Variants in RANBP17 observed in about 807,000 individuals in gnomAD.
RANBP17 encodes the protein RAN binding protein 17, also known as ran-binding protein 17.
A neutral mutation model predicts 141.2 loss-of-function variants in RANBP17; 158 were observed. The observed-to-expected ratio is 1.12, with a 90% CI of 0.98 to 1.28. RANBP17 has a LOEUF of 1.28. Ranked by LOEUF, RANBP17 falls within the 50% of genes most tolerant of loss-of-function variation. The pLI is 0.00. For synonymous variants in RANBP17, 430 were observed against 450.0 expected (o/e 0.96, Z 0.56); for missense variants, 1,438 against 1,290.7 (o/e 1.11, Z -1.75).
intron 14 of RANBP17, among the ~76,000 whole-genome samples, chr5:171,075,552 G>A (rs1784866719): frequency 6.6e-6 from 1 of 152,194 alleles, no homozygotes; most frequent in Non-Finnish European, 1.5e-5. Flanking sequence ...GGGAGGCTTG[G>A]AGAATGATGG....
intron 16 of RANBP17, among the ~76,000 whole-genome samples, chr5:171,182,119 G>A (rs74719665): frequency 0.061 from 9,317 of 152,238 alleles, 373 homozygotes; most frequent in East Asian, 0.12. Flanking sequence ...ACTGAGGCAT[G>A]TATTTGGAGA....
chr5:171,263,274 CCATTTTAA>C (rs1766452660), intron 24 of RANBP17, among the ~76,000 whole-genome samples: 2 of 152,292 alleles, frequency 1.3e-5, no homozygotes, highest in South Asian at 4.1e-4. Context: ...TACCTGCTCA[CCATTTTAA>C]CTGTTGCTCT....
intron 5 of RANBP17, chr5:170,903,630 T>A (rs1770840691): frequency 3.9e-6 from 1 of 256,806 alleles, no homozygotes; most frequent in Non-Finnish European, 8.4e-6. Context: ...TAACTTGACC[T>A]CATAATGGCA....
At chr5:170,913,150 T>C (rs1307786107) in intron 7 of RANBP17, among the ~76,000 whole-genome samples, 1 of 151,934 alleles carries the variant, frequency 6.6e-6, no homozygotes, top group East Asian at 1.9e-4. Context: ...GATATGCGAG[T>C]CCTTCCAAAA....
chr5:171,142,445 G>T (rs1162387468), intron 14 of RANBP17, among the ~76,000 whole-genome samples: 3 of 152,174 alleles, frequency 2.0e-5, no homozygotes, highest in Admixed American at 6.5e-5. Context: ...ATTGCTGTTG[G>T]TGATACAGTC....
intron 14 of RANBP17, among the ~76,000 whole-genome samples, chr5:171,043,294 A>G (rs1006641171): frequency 4.6e-5 from 7 of 152,218 alleles, no homozygotes; most frequent in Non-Finnish European, 1.0e-4. Flanking sequence ...GTTTACAATC[A>G]GTGGAACTGT....
intron 14 of RANBP17, among the ~76,000 whole-genome samples, chr5:171,079,837 G>T (rs918660503): frequency 6.6e-6 from 1 of 152,180 alleles, no homozygotes; most frequent in African/African-American, 2.4e-5. Context: ...TTGCTTGATT[G>T]CAGTGGTGTG....
intron 14 of RANBP17, among the ~76,000 whole-genome samples, chr5:171,119,462 T>G (rs1393323500): frequency 6.6e-6 from 1 of 152,166 alleles, no homozygotes; most frequent in Non-Finnish European, 1.5e-5. Context: ...CCTTAAAGAT[T>G]TGGTAGAATT....
chr5:171,038,717 T>C (rs1175766635), intron 14 of RANBP17, among the ~76,000 whole-genome samples: 1 of 152,112 alleles, frequency 6.6e-6, no homozygotes, highest in Non-Finnish European at 1.5e-5. Flanking sequence ...TATTGAAAGT[T>C]TTTTCCACAT....
At chr5:171,028,920 G>A (rs1233655726) in intron 14 of RANBP17, 4 of 1,288,470 alleles carry the variant, frequency 3.1e-6, no homozygotes, top group Non-Finnish European at 4.0e-6. Flanking sequence ...TATCCAACTC[G>A]GGTTTCTTCT....
chr5:171,236,762 T>C (rs1010093366), intron 22 of RANBP17, among the ~76,000 whole-genome samples: 1 of 152,204 alleles, frequency 6.6e-6, no homozygotes, highest in Non-Finnish European at 1.5e-5. Context: ...ATAGGTGTTA[T>C]TATCCTCATT....
intron 14 of RANBP17, among the ~76,000 whole-genome samples, chr5:171,003,855 A>C (rs1181930335): frequency 2.0e-5 from 3 of 152,168 alleles, no homozygotes; most frequent in African/African-American, 7.2e-5. Context: ...GGTGTAGGGG[A>C]ATAGTGCAAA....
At chr5:170,936,167 G>A (rs1294019768) in intron 12 of RANBP17, among the ~76,000 whole-genome samples, 1 of 152,148 alleles carries the variant, frequency 6.6e-6, no homozygotes, top group Admixed American at 6.5e-5. Context: ...GGGTGAGAGT[G>A]TCCCGATTTT....
chr5:171,014,621 T>G (rs1369112768), intron 14 of RANBP17, among the ~76,000 whole-genome samples: 1 of 152,038 alleles, frequency 6.6e-6, no homozygotes, highest in East Asian at 1.9e-4. Context: ...TGTCATATAT[T>G]TTACTTATAT....
chr5:171,150,119 T>A (rs1758366491), intron 14 of RANBP17, among the ~76,000 whole-genome samples: 1 of 152,140 alleles, frequency 6.6e-6, no homozygotes, highest in African/African-American at 2.4e-5. Flanking sequence ...GTCAGCCATT[T>A]TGGAGTTGTT....
chr5:171,087,235 C>T (rs1195205377), intron 14 of RANBP17, among the ~76,000 whole-genome samples: 1 of 152,014 alleles, frequency 6.6e-6, no homozygotes, highest in Admixed American at 6.5e-5. Flanking sequence ...AGTAGTCATT[C>T]AGGAGCAGGT....
chr5:171,133,983 C>T (rs539701192), intron 14 of RANBP17, among the ~76,000 whole-genome samples: 2 of 152,272 alleles, frequency 1.3e-5, no homozygotes, highest in South Asian at 4.2e-4. Context: ...ATGGTACCAT[C>T]TAAGATAAAT....
At chr5:170,885,391 A>G (rs1769058124) in intron 3 of RANBP17, among the ~76,000 whole-genome samples, 3 of 152,218 alleles carry the variant, frequency 2.0e-5, no homozygotes, top group Admixed American at 2.0e-4. Context: ...GATAGTGACT[A>G]CACTGGTGTG....
In RANBP17 at chr5:171,245,537, CT is replaced by C. The variant is rs375553815; in HGVS notation, c.2776+2718del. The stretch of plus-strand genomic sequence containing the variant: ...CCATGTTGGTCAGGCTGGTCTCGAA[CT>C]CCCGACCTTGGATGATCCTCTTGCC... On this transcript the variant is annotated intron_variant, in intron 24 of 27. Transcript: ENST00000523189. Among the ~76,000 whole-genome samples, 192 of 152,310 alleles carry C rather than the reference CT, an allele frequency of 1.3e-3. 9 individuals carry two copies. The South Asian group carries it at 0.038, about 30-fold the overall frequency.
Sources: allele counts gnomAD v4.1 joint callset (sites outside exome capture counted in the v4.1 genomes callset), GRCh38; gene constraint gnomAD v4.1.1; transcripts MANE v1.5; gene names NCBI Gene and HGNC (gene_info 2026-07-23, HGNC 2026-07-21).